The following SLC38A9 variants were observed in gnomAD, a reference collection of about 807,000 sequenced individuals.
SLC38A9 encodes the protein neutral amino acid transporter 9.
SLC38A9 carries 48 observed loss-of-function variants against 62.3 expected under a neutral mutation model. That is an observed-to-expected ratio of 0.77 (90% confidence interval 0.61 to 0.98). The LOEUF (loss-of-function observed/expected upper bound fraction) is 0.98. SLC38A9 is among the 50% of genes least tolerant of loss of function. The pLI is 0.00. For missense variants in SLC38A9, 541 were observed against 679.8 expected, an observed-to-expected ratio of 0.80 and a Z score of 2.27; for synonymous variants, 204 against 227.7, an observed-to-expected ratio of 0.90 and a Z score of 0.94.
At chr5:55,687,065 G>GTTTTTTTTTTTTTTTTTTTTTTTTT in intron 3 of SLC38A9, among the ~76,000 whole-genome samples, 1 of 125,704 alleles carries the variant, frequency 8.0e-6, no homozygotes, top group Non-Finnish European at 1.7e-5. Flanking sequence ...CTCCAGCTTT[G>GTTTTTTTTTTTTTTTTTTTTTTTTT]TTTTTTTTTT....
intron 8 of SLC38A9, among the ~76,000 whole-genome samples, chr5:55,659,947 T>C (rs1749193188): frequency 6.6e-6 from 1 of 150,388 alleles, no homozygotes; most frequent in South Asian, 2.1e-4. Context: ...TGTGTACTTT[T>C]AGTAGAGACA....
At chr5:55,677,700 T>TAA (rs1189458747) in intron 3 of SLC38A9, among the ~76,000 whole-genome samples, 1 of 125,416 alleles carries the variant, frequency 8.0e-6, no homozygotes, top group African/African-American at 2.8e-5. Flanking sequence ...CCCAGCTAAT[T>TAA]AAAAAAAAAA....
intron 12 of SLC38A9, among the ~76,000 whole-genome samples, chr5:55,638,650 C>T (rs1371586749): frequency 1.3e-5 from 2 of 152,264 alleles, no homozygotes; most frequent in East Asian, 3.9e-4. Context: ...AAATACTATT[C>T]AGTGGAGCAT....
At chr5:55,705,452 G>GA (rs1554071123) in intron 2 of SLC38A9, among the ~76,000 whole-genome samples, 11 of 142,048 alleles carry the variant, frequency 7.7e-5, no homozygotes, top group Non-Finnish European at 1.2e-4. Flanking sequence ...AAAAAAAAAA[G>GA]AAAGAAAGAA....
chr5:55,691,198 C>T, intron 3 of SLC38A9: 4 of 886,290 alleles, frequency 4.5e-6, no homozygotes, highest in South Asian at 1.4e-5. Context: ...CCGGATTCTC[C>T]ATGTTAAAAT....
chr5:55,690,243 C>A (rs1284391613), intron 3 of SLC38A9, among the ~76,000 whole-genome samples: 3 of 152,132 alleles, frequency 2.0e-5, no homozygotes, highest in Non-Finnish European at 4.4e-5. Flanking sequence ...ACACCTCCCT[C>A]AGCCTCCCAA....
chr5:55,695,042 C>T lies in SLC38A9; in HGVS notation c.113+2804G>A, dbSNP rs1267447254. 2.0e-5 allele frequency among the ~76,000 whole-genome samples: 3 copies of T among 152,254 alleles called. No individual in the cohort carries two copies. The South Asian group carries it at 6.2e-4, about 32-fold the overall frequency. ...TGTTGGGATTACAGGCATGAGCCAC[C>T]GTGCGTGGCCCAAGAGCTCTTGCAG... is the stretch of plus-strand genomic sequence containing the variant. On this transcript the variant is annotated intron_variant, in intron 3 of 15. Coordinates refer to ENST00000396865, the MANE Select transcript of SLC38A9 (RefSeq NM_173514.4).
intron 3 of SLC38A9, chr5:55,696,004 G>T (rs1407857070): frequency 1.0e-5 from 1 of 96,288 alleles, no homozygotes; most frequent in African/African-American, 3.4e-5. Context: ...CCCGGACGGG[G>T]CAGCTGGCCG....
intron 10 of SLC38A9, among the ~76,000 whole-genome samples, chr5:55,650,145 T>C (rs1425003222): frequency 6.6e-6 from 1 of 152,146 alleles, no homozygotes; most frequent in Non-Finnish European, 1.5e-5. Flanking sequence ...AATCCTGATC[T>C]AGTATCTAGA....
At chr5:55,664,934 C>A in intron 7 of SLC38A9, 71 bp from the exon 8 acceptor site, 2 of 1,002,294 alleles carry the variant, frequency 2.0e-6, no homozygotes, top group South Asian at 2.1e-5. Context: ...TTGTGTTCCC[C>A]AAATAAACTC....
chr5:55,701,436 A>T (rs969284235), intron 2 of SLC38A9, among the ~76,000 whole-genome samples: 1 of 152,172 alleles, frequency 6.6e-6, no homozygotes. Flanking sequence ...ATCACTCATG[A>T]CTTCTTTTTC....
At position 55,694,559 on chromosome 5, in the gene SLC38A9, C is replaced by T. The variant is rs573890246; in HGVS notation, c.113+3287G>A. 1.4e-4 allele frequency among the ~76,000 whole-genome samples: 22 copies of T among 152,208 alleles called. No homozygotes were observed. In the South Asian group the frequency reaches 2.9e-3, roughly 20 times the overall value. ...ACATCAAAAAATAATTCAGAAGAAT[C>T]ATATTCTAAATGTGAGGTGTCAGTA... On this transcript the variant is annotated intron_variant, in intron 3 of 15. Coordinates refer to ENST00000396865, the MANE Select transcript of SLC38A9 (RefSeq NM_173514.4).
intron 3 of SLC38A9, among the ~76,000 whole-genome samples, chr5:55,674,314 G>C (rs968109827): frequency 6.6e-6 from 1 of 152,188 alleles, no homozygotes; most frequent in Non-Finnish European, 1.5e-5. Context: ...GCTGTGGTTT[G>C]AATATGTCCC....
At chr5:55,705,528 A>T (rs1757182634) in intron 2 of SLC38A9, among the ~76,000 whole-genome samples, 1 of 151,968 alleles carries the variant, frequency 6.6e-6, no homozygotes, top group African/African-American at 2.4e-5. Flanking sequence ...AGCTAAGAAA[A>T]CCATACTTGG....
At chr5:55,655,743 CCT>C (rs1161773352) in intron 9 of SLC38A9, among the ~76,000 whole-genome samples, 1 of 152,120 alleles carries the variant, frequency 6.6e-6, no homozygotes, top group African/African-American at 2.4e-5. Flanking sequence ...AATGAATCAT[CCT>C]CTTAGTGATC....
intron 9 of SLC38A9, among the ~76,000 whole-genome samples, chr5:55,655,066 C>T (rs1448096049): frequency 1.3e-5 from 2 of 152,012 alleles, no homozygotes; most frequent in Non-Finnish European, 2.9e-5. Flanking sequence ...TCTCAAACTC[C>T]TGGGCTCAAG....
chr5:55,635,604 AAT>A lies in SLC38A9; in HGVS notation c.1219_1220del (p.Ile407TrpfsTer19). ...YMLVTLTYLY[I>X]GVLVFASFPS... ...GAAATGAAGCAAAAACCAGGACTCC[AAT>A]ATAGAGATAAGTTAATGTCACCAGC... On this transcript the variant is annotated frameshift_variant, in exon 13 of 16. Transcript: ENST00000396865. LOFTEE classifies it high-confidence loss of function. 2 of 1,613,974 alleles carry A rather than the reference AAT, an allele frequency of 1.2e-6. No individual in the cohort carries two copies. The highest frequency in any genetic ancestry group is 1.7e-6 in the Non-Finnish European group (2 of 1,179,880).
intron 3 of SLC38A9, among the ~76,000 whole-genome samples, chr5:55,687,421 C>G (rs1249350154): frequency 3.0e-4 from 30 of 98,506 alleles, no homozygotes; most frequent in East Asian, 2.7e-3. Context: ...AACGAGACTC[C>G]GTCTCAAAAA....
intron 10 of SLC38A9, 81 bp from the exon 11 acceptor site, chr5:55,649,395 G>C: frequency 1.2e-6 from 1 of 840,400 alleles, no homozygotes; most frequent in Non-Finnish European, 1.8e-6. Flanking sequence ...TGTTTCCATA[G>C]TCTCAGCAAA....
Sources: gnomAD v4.1 joint callset for allele counts (sites outside exome capture counted in the v4.1 genomes callset) on GRCh38, gnomAD v4.1.1 for gene constraint, MANE v1.5 for transcripts, NCBI Gene and HGNC (gene_info 2026-07-23, HGNC 2026-07-21) for gene names.